TRMT2A: variants seen among roughly 807,000 people sequenced by gnomAD.
The protein encoded by TRMT2A is tRNA (uracil-5-)-methyltransferase homolog A.
TRMT2A carries 60 observed loss-of-function variants against 59.3 expected under a neutral mutation model. That is an observed-to-expected ratio of 1.01 (90% CI 0.82 to 1.26). TRMT2A has a LOEUF of 1.26. Ranked by LOEUF, TRMT2A falls within the 50% of genes most tolerant of loss-of-function variation. The pLI, the probability that TRMT2A is intolerant of heterozygous loss-of-function variation, is 0.00. For missense variants in TRMT2A, 863 were observed against 845.2 expected (o/e 1.02, Z -0.26); for synonymous variants, 403 against 353.7 (o/e 1.14, Z -1.56).
At chr22:20,116,763 TC>T in intron 1 of TRMT2A, 119 bp downstream of exon 1, 1 of 1,332,256 alleles carries the variant, frequency 7.5e-7, no homozygotes, top group Non-Finnish European at 1.0e-6. Flanking sequence ...CCCATTCCCG[TC>T]TCCTTTCCTC....
intron 7 of TRMT2A, among the ~76,000 whole-genome samples, chr22:20,114,076 T>C (rs573673730): frequency 6.6e-6 from 1 of 152,290 alleles, no homozygotes; most frequent in African/African-American, 2.4e-5. Context: ...CGCAGGCCAA[T>C]AGGCTGTACC....
chr22:20,116,084 C>T lies in TRMT2A; in HGVS notation c.553G>A (p.Glu185Lys). ...LWTVPYAEQL[E>K]RKQLECEQVL... ...TGCTCGCACTCCAGCTGCTTCCGCT[C>T]AAGCTGCTCAGCATAGGGCACTGTC... The change falls in exon 2 of 12, where the codon GAG (glutamate) becomes AAG (lysine). Residue 185 changes from glutamate to lysine, a missense_variant. By Grantham distance (56) the Glu-to-Lys change is moderately conservative. Coordinates refer to ENST00000252136, the MANE Select transcript of TRMT2A (RefSeq NM_022727.6). 6.3e-7 allele frequency: 1 copy of T among 1,584,982 alleles called. No homozygotes were observed. Among genetic ancestry groups the T allele is most frequent in the African/African-American group, 1.3e-5 (1 of 74,292 alleles).
rs760665379 is a variant in TRMT2A at position 20,112,935 on chromosome 22, C to CG, written c.1621dup (p.Arg541ProfsTer16). 4.3e-6 allele frequency: 7 copies of CG among 1,613,786 alleles called. No individual in the cohort carries two copies. Among genetic ancestry groups the CG allele is most frequent in the South Asian group, 1.1e-5 (1 of 91,084 alleles). On this transcript the variant is annotated frameshift_variant, in exon 11 of 12. Transcript: ENST00000252136. LOFTEE classifies it low-confidence loss of function (END_TRUNC). The stretch of plus-strand genomic sequence containing the variant: ...CTCCACAAAGTTGCCCATGGCTGCC[C>CG]GGGGGTTGCATGAGACGTACAGCAG...
At position 20,115,043 on chromosome 22, in the gene TRMT2A, G is replaced by A. The variant is rs1655731854; in HGVS notation, c.927C>T (p.Tyr309=). ...CAGTCAGCTGCTTCCAGTGGCCTGT[G>A]TACGTCTCTGGGTCGTATGCCGAGT... is the stretch of plus-strand genomic sequence containing the variant. The part of the protein sequence containing the change: ...TPYSAYDPET[Y]TGHWKQLTVR... Residue 309 remains tyrosine, a synonymous_variant, in exon 5 of 12, where the codon TAC becomes TAT. Coordinates refer to ENST00000252136, the MANE Select transcript of TRMT2A (RefSeq NM_022727.6). The A allele has an allele frequency of 1.3e-6, 2 of 1,597,070 alleles. No individual in the cohort carries two copies. The highest frequency in any genetic ancestry group is 8.5e-7 in the Non-Finnish European group (1 of 1,175,318).
At chr22:20,115,126 G>A (rs1166311538) in intron 4 of TRMT2A, 47 bp from the exon 5 acceptor site, 1 of 1,564,814 alleles carries the variant, frequency 6.4e-7, no homozygotes, top group Non-Finnish European at 8.6e-7. Flanking sequence ...TGGGCAAGCA[G>A]TCCCCCTGCT....
intron 1 of TRMT2A, 89 bp downstream of exon 1, chr22:20,116,794 T>C: frequency 1.4e-6 from 2 of 1,461,544 alleles, no homozygotes; most frequent in East Asian, 2.5e-5. Context: ...ACCTGCCTCG[T>C]CCCCACCTAT....
At chr22:20,114,541 A>G (rs200162514) in intron 7 of TRMT2A, 33 bp downstream of exon 7, 4 of 1,568,878 alleles carry the variant, frequency 2.5e-6, no homozygotes, top group African/African-American at 1.3e-5. Flanking sequence ...CTCCCTCAAC[A>G]TGTCCCCATG....
intron 4 of TRMT2A, 70 bp downstream of exon 4, chr22:20,115,196 G>A (rs1262905607): frequency 4.4e-6 from 7 of 1,581,878 alleles, no homozygotes; most frequent in African/African-American, 2.7e-5. Context: ...CAGAATTCCC[G>A]GGGCAGGATC....
At chr22:20,114,476 C>T (rs1568970938) in intron 7 of TRMT2A, 98 bp downstream of exon 7, 3 of 1,037,980 alleles carry the variant, frequency 2.9e-6, no homozygotes, top group Middle Eastern at 2.0e-4. Flanking sequence ...GATACTCCCC[C>T]AAATCTCACC....
In TRMT2A at chr22:20,112,477, G is replaced by A. The variant is rs1366913115; in HGVS notation, c.*86C>T. On this transcript the variant is annotated 3_prime_UTR_variant, in exon 12 of 12. Coordinates refer to ENST00000252136, the MANE Select transcript of TRMT2A (RefSeq NM_022727.6). ...CTGTGCCCTTTGGCTGCCTACCTCT[G>A]AATATCCTGGCCAGCAAGCCATGCC... 1 of 1,481,072 alleles carries A rather than the reference G, an allele frequency of 6.8e-7. No homozygotes were observed. The highest frequency in any genetic ancestry group is 9.0e-7 in the Non-Finnish European group (1 of 1,105,926). 91.7% of individuals were successfully genotyped at this position (1,481,072 alleles called of 1,614,324 possible). A position where few individuals can be genotyped will look rare whatever the true frequency, so the allele number is the denominator to read the frequency against.
chr22:20,113,221 C>T lies in TRMT2A; in HGVS notation c.1446G>A (p.Val482=), dbSNP rs957570865. ...VNAQDNELSN[V]EFHCGRAEDL... ...CCTCGGCCCTCCCGCAGTGGAACTC[C>T]ACATTACTCAACTCTGAAGAGATGG... is the stretch of plus-strand genomic sequence containing the variant. The change falls in exon 10 of 12, where the codon GTG becomes GTA. Residue 482 remains valine, a synonymous_variant. Coordinates refer to ENST00000252136, the MANE Select transcript of TRMT2A (RefSeq NM_022727.6). 2 of 1,566,690 alleles carry T rather than the reference C, an allele frequency of 1.3e-6. No homozygotes were observed. Among genetic ancestry groups the T allele is most frequent in the South Asian group, 2.4e-5 (2 of 83,846 alleles).
chr22:20,116,279 C>T lies in TRMT2A; in HGVS notation c.358G>A (p.Ala120Thr). 6.2e-7 allele frequency: 1 copy of T among 1,612,952 alleles called. No individual in the cohort carries two copies. The highest frequency in any genetic ancestry group is 8.5e-7 in the Non-Finnish European group (1 of 1,180,030). ...ACGCGCAGGGCCTTGTCCCTCTCTGCAGCGCTGCGGAATGTCACAAAGGCG... is the reference window on the plus strand; with the variant it reads ...ACGCGCAGGGCCTTGTCCCTCTCTGTAGCGCTGCGGAATGTCACAAAGGCG... ...PCAFVTFRSA[A>T]ERDKALRVLH... is the part of the protein sequence containing the mutation. Residue 120 changes from alanine to threonine, a missense_variant, in exon 2 of 12, where the codon GCA becomes ACA. Transcript: ENST00000252136.
Position 20,116,885 on chromosome 22 carries a change from C to T in TRMT2A, c.22G>A (p.Glu8Lys). The T allele has an allele frequency of 1.9e-6, 3 of 1,605,002 alleles. No individual in the cohort carries two copies. Among genetic ancestry groups the T allele is most frequent in the Non-Finnish European group, 2.6e-6 (3 of 1,176,270 alleles). The part of the protein sequence containing the change: MSENLDN[E>K]GPKPMESCGQ... ...CCCAGCGTCTCCCCGCACTCTACCT[C>T]GTTGTCGAGGTTCTCACTCATCGCC... Residue 8 changes from glutamate (E) to lysine (K), a missense_variant and splice_region_variant, in exon 1 of 12, where the codon GAG becomes AAG. Transcript: ENST00000252136.
At chr22:20,114,067 G>A (rs947355589) in intron 7 of TRMT2A, among the ~76,000 whole-genome samples, 1 of 152,172 alleles carries the variant, frequency 6.6e-6, no homozygotes, top group African/African-American at 2.4e-5. Flanking sequence ...ATGAGGCCCC[G>A]CAGGCCAATA....
intron 3 of TRMT2A, 38 bp from the exon 4 acceptor site, chr22:20,115,485 C>A: frequency 6.3e-7 from 1 of 1,587,074 alleles, no homozygotes; most frequent in Non-Finnish European, 8.6e-7. Flanking sequence ...CCTGGCTGCC[C>A]AGCGCTTGGG....
rs750211544 is a variant in TRMT2A, at chr22:20,112,674, C to T, written c.1767G>A (p.Val589=). 1.2e-6 allele frequency: 2 copies of T among 1,614,088 alleles called. No individual in the cohort carries two copies. Among genetic ancestry groups the T allele is most frequent in the South Asian group, 1.1e-5 (1 of 91,086 alleles). The change falls in exon 12 of 12, where the codon GTG becomes GTA. Residue 589 remains valine (V), a synonymous_variant. Coordinates refer to ENST00000252136, the MANE Select transcript of TRMT2A (RefSeq NM_022727.6). The stretch of plus-strand genomic sequence containing the variant: ...AGACCCCTGTGCCATTGGGGTGCTC[C>T]ACCCTCTCAAACAGGATGAGCATCT... The part of the protein sequence containing the change: ...HCEMLILFER[V]EHPNGTGVLG...
rs774082547 is a variant in TRMT2A at position 20,115,798 on chromosome 22, C to A, written c.600-18G>T. Reference sequence around the variant, plus strand: ...CGATTTCCCTGTAAGAGGAGCAGATCGGTGGTTGGACTCCACCTACTGCCC... The same window carrying A: ...CGATTTCCCTGTAAGAGGAGCAGATAGGTGGTTGGACTCCACCTACTGCCC... On this transcript the variant is annotated intron_variant, in intron 2 of 11. Transcript: ENST00000252136. The A allele has an allele frequency of 2.5e-6, 4 of 1,596,234 alleles. No individual in the cohort carries two copies. Among genetic ancestry groups the A allele is most frequent in the South Asian group, 1.1e-5 (1 of 90,324 alleles).
rs1602508927 is a variant in TRMT2A, at chr22:20,113,309, C to A, written c.1433-75G>T. ...AGGGCCAGCCCTGGGGAACCCCTAG[C>A]CAAAGAGCTTGCTCACTTGCTCTAC... On this transcript the variant is annotated intron_variant, in intron 9 of 11. Transcript: ENST00000252136. The A allele has an allele frequency of 3.3e-6, 5 of 1,510,626 alleles. No individual in the cohort carries two copies. The East Asian group carries it at 1.1e-4, about 34-fold the overall frequency. 93.6% of individuals were successfully genotyped at this position (1,510,626 alleles called of 1,614,324 possible). A position where few individuals can be genotyped will look rare whatever the true frequency, so the allele number is the denominator to read the frequency against.
chr22:20,113,399 A>AGG, intron 9 of TRMT2A, 33 bp downstream of exon 9: 1 of 713,636 alleles, frequency 1.4e-6, no homozygotes. Context: ...GGCTGCCCCC[A>AGG]TCCCCACCCC....
Sources: gnomAD v4.1 joint callset for allele counts (sites outside exome capture counted in the v4.1 genomes callset) on GRCh38, gnomAD v4.1.1 for gene constraint, MANE v1.5 for transcripts, NCBI Gene and HGNC (gene_info 2026-07-23, HGNC 2026-07-21) for gene names.